Variants in CTNNA1 observed in about 807,000 individuals in gnomAD.
The protein encoded by CTNNA1 is catenin alpha-1.
A neutral mutation model predicts 98.4 loss-of-function variants in CTNNA1; 37 were observed. The ratio of observed to expected loss-of-function variants is 0.38; its 90% CI spans 0.29 to 0.49. CTNNA1 has a LOEUF of 0.49. Ranked by LOEUF, CTNNA1 falls within the 20% of genes least tolerant of loss-of-function variation. The probability of loss-of-function intolerance (pLI) is 0.95; values close to 1 mark genes in which losing one functional copy is unlikely to be tolerated. For missense variants in CTNNA1, 761 were observed against 1,147.2 expected (o/e 0.66, Z 4.86); for synonymous variants, 404 against 413.2 (o/e 0.98, Z 0.27).
chr5:138,804,136 ACACT>A (rs1339155397), intron 3 of CTNNA1, among the ~76,000 whole-genome samples: 1 of 152,208 alleles, frequency 6.6e-6, no homozygotes, highest in Non-Finnish European at 1.5e-5. Context: ...ATCTTAATTG[ACACT>A]CACAGCAGGT....
chr5:138,894,274 T>TCTTC (rs1192940041), intron 9 of CTNNA1, among the ~76,000 whole-genome samples: 2 of 129,252 alleles, frequency 1.5e-5, no homozygotes, highest in African/African-American at 6.6e-5. Flanking sequence ...CCTTTACTTT[T>TCTTC]CTTTCTCTTT....
intron 7 of CTNNA1, among the ~76,000 whole-genome samples, chr5:138,851,342 G>A (rs1480686747): frequency 6.6e-6 from 1 of 152,178 alleles, no homozygotes; most frequent in African/African-American, 2.4e-5. Flanking sequence ...AGTTGATCAT[G>A]GCAGCTAGTC....
At position 138,865,378 on chromosome 5, in the gene CTNNA1, A is replaced by G. The variant is rs1046601678; in HGVS notation, c.1063-20834A>G. ...AGGCTCCTTACCCTTAGCCTTTATC[A>G]AGGGTCCTGATGAAGAACAACTCTG... On this transcript the variant is annotated intron_variant, in intron 7 of 17. Coordinates refer to ENST00000302763, the MANE Select transcript of CTNNA1 (RefSeq NM_001903.5). Among the ~76,000 whole-genome samples the G allele has an allele frequency of 3.3e-5, 5 of 152,224 alleles. 1 individual carries two copies. The highest frequency in any genetic ancestry group is 1.2e-4 in the African/African-American group (5 of 41,462).
chr5:138,787,470 ATTTGG>A (rs1755836479), intron 3 of CTNNA1, among the ~76,000 whole-genome samples: 1 of 152,088 alleles, frequency 6.6e-6, no homozygotes, highest in Non-Finnish European at 1.5e-5. Context: ...TCTGCTGTTG[ATTTGG>A]GAAGCAGCTA....
At chr5:138,837,183 C>CA (rs1761857232) in intron 7 of CTNNA1, among the ~76,000 whole-genome samples, 1 of 152,110 alleles carries the variant, frequency 6.6e-6, no homozygotes, top group Non-Finnish European at 1.5e-5. Context: ...AAGTGAGACT[C>CA]AATTATCTCT....
intron 9 of CTNNA1, among the ~76,000 whole-genome samples, chr5:138,896,203 T>A (rs1166156343): frequency 6.6e-6 from 1 of 152,028 alleles, no homozygotes; most frequent in African/African-American, 2.4e-5. Context: ...TGTCAGGGAG[T>A]CTGTGTGGTG....
chr5:138,890,939 A>C (rs774725251), intron 9 of CTNNA1, among the ~76,000 whole-genome samples: 1 of 152,196 alleles, frequency 6.6e-6, no homozygotes, highest in Non-Finnish European at 1.5e-5. Flanking sequence ...CCCATCTTAA[A>C]GGTATGTGGA....
At chr5:138,897,556 A>G (rs1167429279) in intron 9 of CTNNA1, among the ~76,000 whole-genome samples, 1 of 152,100 alleles carries the variant, frequency 6.6e-6, no homozygotes, top group Non-Finnish European at 1.5e-5. Context: ...GTAGGCTGAT[A>G]TTCTGGCAAA....
chr5:138,839,116 A>C (rs1052731141), intron 7 of CTNNA1, among the ~76,000 whole-genome samples: 1 of 152,326 alleles, frequency 6.6e-6, no homozygotes, highest in African/African-American at 2.4e-5. Context: ...TAAACTTTGC[A>C]TGATTTCAAT....
intron 1 of CTNNA1, among the ~76,000 whole-genome samples, chr5:138,758,534 G>T (rs11950434): frequency 4.9e-4 from 74 of 152,032 alleles, no homozygotes; most frequent in Admixed American, 1.4e-3. Flanking sequence ...ATGCCACCAC[G>T]CCCAGCTAAT....
At chr5:138,890,385 G>A (rs1755083636) in intron 9 of CTNNA1, among the ~76,000 whole-genome samples, 1 of 152,148 alleles carries the variant, frequency 6.6e-6, no homozygotes. Flanking sequence ...GCAAGTTCTG[G>A]GGTCCCCAGG....
intron 1 of CTNNA1, among the ~76,000 whole-genome samples, chr5:138,763,371 A>C (rs1165833766): frequency 1.3e-5 from 2 of 152,154 alleles, no homozygotes; most frequent in African/African-American, 4.8e-5. Flanking sequence ...CCATTCTCTC[A>C]TGGTATGTTG....
intron 7 of CTNNA1, among the ~76,000 whole-genome samples, chr5:138,830,386 G>C (rs984601508): frequency 6.6e-6 from 1 of 152,134 alleles, no homozygotes; most frequent in Non-Finnish European, 1.5e-5. Context: ...ACAAAAGAAA[G>C]AAATCTTCTT....
At chr5:138,782,553 G>GAA (rs1057496028) in intron 2 of CTNNA1, 4 of 236,058 alleles carry the variant, frequency 1.7e-5, no homozygotes, top group African/African-American at 9.3e-5. Context: ...GAGAGAGAGA[G>GAA]AAAATGAGTC....
intron 6 of CTNNA1, among the ~76,000 whole-genome samples, chr5:138,825,738 A>T (rs1760651202): frequency 1.3e-5 from 2 of 151,864 alleles, no homozygotes; most frequent in African/African-American, 4.8e-5. Context: ...TGCATGGCCG[A>T]TTTAAGACTT....
chr5:138,889,512 C>A (rs1221469626), intron 9 of CTNNA1, among the ~76,000 whole-genome samples: 1 of 152,136 alleles, frequency 6.6e-6, no homozygotes, highest in Admixed American at 6.5e-5. Context: ...CAGCCTAATA[C>A]CCCACTGAAG....
At chr5:138,758,744 C>A (rs1205188026) in intron 1 of CTNNA1, among the ~76,000 whole-genome samples, 1 of 151,926 alleles carries the variant, frequency 6.6e-6, no homozygotes, top group Non-Finnish European at 1.5e-5. Flanking sequence ...TTTTGAACAT[C>A]TGTAAGACAG....
In CTNNA1 at chr5:138,874,469, C is replaced by G; in HGVS notation, c.1063-11743C>G. On this transcript the variant is annotated intron_variant, in intron 7 of 17. Transcript: ENST00000302763. This position sits in a 1 kb window ranked among gnomAD's most constrained non-coding sequence, Gnocchi z 4.1. ...GCGGCATTTGGGTGGACACGCCATA[C>G]CCAGGGCAGGCAGCATTTTTAAAAC... 6.2e-7 allele frequency: 1 copy of G among 1,613,188 alleles called. No individual in the cohort carries two copies.
intron 16 of CTNNA1, 65 bp from the exon 17 acceptor site, chr5:138,932,513 G>A: frequency 5.7e-6 from 9 of 1,587,830 alleles, no homozygotes; most frequent in Non-Finnish European, 7.7e-6. Context: ...TTCAGAAACA[G>A]CCGTGGGGTC....
Sources: allele counts gnomAD v4.1 joint callset (sites outside exome capture counted in the v4.1 genomes callset), GRCh38; gene constraint gnomAD v4.1.1; non-coding constraint Gnocchi (gnomAD v3.1); transcripts MANE v1.5; gene names NCBI Gene and HGNC (gene_info 2026-07-23, HGNC 2026-07-21).